CEP112: variants seen among roughly 807,000 people sequenced by gnomAD.
CEP112 encodes centrosomal protein 112, also known as centrosomal protein of 112 kDa.
CEP112 carries 127 observed loss-of-function variants against 153.0 expected under a neutral mutation model. The observed-to-expected ratio is 0.83, with a 90% CI of 0.72 to 0.96. The LOEUF (loss-of-function observed/expected upper bound fraction) is 0.96, where lower values mean the gene tolerates loss of function less well. Ranked by LOEUF, CEP112 falls within the 40% of genes least tolerant of loss-of-function variation. The pLI is 0.00. For missense variants in CEP112, 1,089 were observed against 1,101.2 expected, an observed-to-expected ratio of 0.99 and a Z score of 0.16; for synonymous variants, 358 against 374.4, an observed-to-expected ratio of 0.96 and a Z score of 0.51.
chr17:65,869,984 G>T (rs2146486941), intron 20 of CEP112, among the ~76,000 whole-genome samples: 1 of 126,274 alleles, frequency 7.9e-6, no homozygotes, highest in Admixed American at 9.3e-5. Context: ...TATCTTGCCT[G>T]CAAAAGAGGA....
chr17:65,672,096 G>A (rs781459471), intron 24 of CEP112, among the ~76,000 whole-genome samples: 32 of 152,114 alleles, frequency 2.1e-4, no homozygotes, highest in South Asian at 4.1e-4. Context: ...AAGAGCTCTG[G>A]TGAGACAACT....
chr17:65,972,066 T>G (rs2062861735), intron 17 of CEP112, among the ~76,000 whole-genome samples: 1 of 152,172 alleles, frequency 6.6e-6, no homozygotes, highest in African/African-American at 2.4e-5. Flanking sequence ...TAATGGACAC[T>G]TATGGACTAT....
chr17:65,647,930 C>G (rs1567806524), intron 24 of CEP112, among the ~76,000 whole-genome samples: 1 of 152,106 alleles, frequency 6.6e-6, no homozygotes. Context: ...GACCATGAAG[C>G]AAGATGAGGT....
intron 20 of CEP112, among the ~76,000 whole-genome samples, chr17:65,856,982 C>T (rs1393274938): frequency 6.6e-6 from 1 of 152,094 alleles, no homozygotes; most frequent in Non-Finnish European, 1.5e-5. Flanking sequence ...GTTTGGTTCC[C>T]GACCACCTCA....
At chr17:65,803,844 T>C (rs1404838551) in intron 21 of CEP112, among the ~76,000 whole-genome samples, 1 of 152,234 alleles carries the variant, frequency 6.6e-6, no homozygotes, top group Non-Finnish European at 1.5e-5. Context: ...AGCATTTTTA[T>C]GAATCATGAG....
chr17:66,101,031 AC>A (rs1310043861), intron 6 of CEP112, among the ~76,000 whole-genome samples: 19 of 152,150 alleles, frequency 1.2e-4, no homozygotes, highest in Admixed American at 2.6e-4. Context: ...CTGAGAGATG[AC>A]TGTACAATAT....
chr17:65,719,070 G>A lies in CEP112; in HGVS notation c.2607+23998C>T, dbSNP rs1047518768. ...ATGTGTTGTCACATCACTGAAGAAA[G>A]AAAGTGCTTTCTGAAAGGAACTCTT... On this transcript the variant is annotated intron_variant, in intron 23 of 26. Transcript: ENST00000535342. Among the ~76,000 whole-genome samples, 4 of 152,346 alleles carry A rather than the reference G, an allele frequency of 2.6e-5. No homozygotes were observed. The South Asian group carries it at 6.2e-4, about 24-fold the overall frequency.
intron 5 of CEP112, among the ~76,000 whole-genome samples, chr17:66,132,353 C>T (rs2070224878): frequency 6.6e-6 from 1 of 152,004 alleles, no homozygotes; most frequent in Non-Finnish European, 1.5e-5. Context: ...ATTCCAGCTT[C>T]TTCTTAATTT....
chr17:66,020,087 T>C (rs941898279), intron 16 of CEP112, among the ~76,000 whole-genome samples: 1 of 152,134 alleles, frequency 6.6e-6, no homozygotes, highest in Non-Finnish European at 1.5e-5. Context: ...CACAGGTACA[T>C]ACATACCAGG....
intron 21 of CEP112, among the ~76,000 whole-genome samples, chr17:65,825,861 G>A (rs1431491603): frequency 6.6e-6 from 1 of 152,142 alleles, no homozygotes; most frequent in African/African-American, 2.4e-5. Context: ...AATGCCATTA[G>A]CTCACAATCT....
At chr17:66,119,640 T>C (rs2069478641) in intron 6 of CEP112, among the ~76,000 whole-genome samples, 1 of 152,206 alleles carries the variant, frequency 6.6e-6, no homozygotes, top group South Asian at 2.1e-4. Context: ...GAGGGGCATT[T>C]AGGACTATTT....
intron 21 of CEP112, among the ~76,000 whole-genome samples, chr17:65,845,917 C>G (rs1018277284): frequency 6.6e-6 from 1 of 152,126 alleles, no homozygotes; most frequent in East Asian, 1.9e-4. Flanking sequence ...TCATTTGGGT[C>G]TAAATTGCTG....
chr17:65,821,632 A>C (rs2056591467), intron 21 of CEP112, among the ~76,000 whole-genome samples: 3 of 140,508 alleles, frequency 2.1e-5, no homozygotes, highest in Admixed American at 7.3e-5. Context: ...GCTTACCACA[A>C]CCTCTGCTTC....
At chr17:65,919,340 C>T (rs2060617623) in intron 19 of CEP112, among the ~76,000 whole-genome samples, 1 of 152,218 alleles carries the variant, frequency 6.6e-6, no homozygotes, top group African/African-American at 2.4e-5. Context: ...CTTGCTCACA[C>T]TCCCCCGGGG....
At chr17:65,725,584 T>G (rs945419761) in intron 23 of CEP112, among the ~76,000 whole-genome samples, 3 of 152,214 alleles carry the variant, frequency 2.0e-5, no homozygotes, top group Admixed American at 6.5e-5. Flanking sequence ...CCCAAAGTGC[T>G]GGGATTACAG....
rs141442200 is a variant in CEP112 at position 65,769,776 on chromosome 17, T to C, written c.2395-19052A>G. Among the ~76,000 whole-genome samples, 227 of 152,130 alleles carry C rather than the reference T, an allele frequency of 1.5e-3. 3 individuals carry two copies. Among genetic ancestry groups the C allele is most frequent in the African/African-American group, 5.4e-3 (223 of 41,552 alleles). On this transcript the variant is annotated intron_variant, in intron 21 of 26. Coordinates refer to ENST00000535342, the MANE Select transcript of CEP112 (RefSeq NM_001199165.4). ...CATAAAAATCAACTGTCTCTCCAAA[T>C]TTGGGAGCAGCAGTTTTCCCTGTGA... is the stretch of plus-strand genomic sequence containing the variant.
Position 66,183,198 on chromosome 17 carries a change from C to G in CEP112, c.102G>C (p.Arg34Ser). ...AATCTTCAAACATAATCTTACCTGT[C>G]CTATGAGGTAATTTTAGAACAAAGG... ...MKPFVLKLPH[R>S]TERQRCALWI... The change falls in exon 2 of 27, where the codon AGG becomes AGC. Residue 34 changes from arginine (R) to serine (S), a missense_variant. Arg to Ser is a moderately radical substitution (Grantham distance 110, BLOSUM62 -1). Coordinates refer to ENST00000535342, the MANE Select transcript of CEP112 (RefSeq NM_001199165.4). 6.3e-7 allele frequency: 1 copy of G among 1,587,490 alleles called. No individual in the cohort carries two copies.
chr17:65,783,040 A>G (rs868380683), intron 21 of CEP112, among the ~76,000 whole-genome samples: 55 of 152,204 alleles, frequency 3.6e-4, no homozygotes, highest in African/African-American at 1.3e-3. Flanking sequence ...GACAACATAC[A>G]TTATCTGCAC....
At chr17:65,818,458 C>A (rs1819910) in intron 21 of CEP112, among the ~76,000 whole-genome samples, 58,126 of 151,476 alleles carry the variant, frequency 0.38, 11,952 homozygotes, top group East Asian at 0.79. Flanking sequence ...CCTTACTACT[C>A]CCCCACCATC....
Sources: allele counts gnomAD v4.1 joint callset (sites outside exome capture counted in the v4.1 genomes callset), GRCh38; gene constraint gnomAD v4.1.1; transcripts MANE v1.5; gene names NCBI Gene and HGNC (gene_info 2026-07-23, HGNC 2026-07-21).